SIN3A: variants seen among roughly 807,000 people sequenced by gnomAD.
SIN3A encodes paired amphipathic helix protein Sin3a.
A neutral mutation model predicts 146.1 loss-of-function variants in SIN3A; 14 were observed. The observed-to-expected ratio is 0.10, with a 90% confidence interval of 0.06 to 0.15. The LOEUF (loss-of-function observed/expected upper bound fraction) is 0.15, where lower values mean the gene tolerates loss of function less well. Among genes scored for constraint, SIN3A ranks in the 10% least tolerant of loss-of-function variants. SIN3A has a pLI of 1.00. For missense variants in SIN3A, 1,028 were observed against 1,576.0 expected, an observed-to-expected ratio of 0.65 and a Z score of 5.89; for synonymous variants, 572 against 572.0, an observed-to-expected ratio of 1.00 and a Z score of 0.00.
intron 9 of SIN3A, among the ~76,000 whole-genome samples, chr15:75,405,532 C>T (rs911462616): frequency 6.6e-6 from 1 of 152,050 alleles, no homozygotes; most frequent in African/African-American, 2.4e-5. Context: ...AGGTGGATCA[C>T]CTGAAGCCAG....
chr15:75,397,152 T>C (rs1307506997), intron 12 of SIN3A, among the ~76,000 whole-genome samples: 1 of 152,196 alleles, frequency 6.6e-6, no homozygotes, highest in Non-Finnish European at 1.5e-5. Flanking sequence ...ACTTTTTCCC[T>C]AGCTTAAAAT....
At chr15:75,421,449 T>C (rs2073839038) in intron 3 of SIN3A, 6 of 152,224 alleles carry the variant, frequency 3.9e-5, no homozygotes. Context: ...TTTTACAAAA[T>C]TACTCTAAAT....
intron 3 of SIN3A, among the ~76,000 whole-genome samples, chr15:75,419,037 G>A (rs764290783): frequency 1.1e-4 from 17 of 152,050 alleles, no homozygotes; most frequent in Non-Finnish European, 2.2e-4. Context: ...GATTACAGGC[G>A]TGAGCCACCG....
intron 2 of SIN3A, among the ~76,000 whole-genome samples, chr15:75,427,780 GC>G: frequency 6.6e-6 from 1 of 152,118 alleles, no homozygotes; most frequent in East Asian, 1.9e-4. Flanking sequence ...GACCAGTCTG[GC>G]CCACATGGCG....
intron 1 of SIN3A, among the ~76,000 whole-genome samples, chr15:75,432,629 T>C (rs2074031060): frequency 1.4e-5 from 2 of 139,030 alleles, no homozygotes; most frequent in Non-Finnish European, 3.0e-5. Flanking sequence ...AGAGGTTGCA[T>C]GAGGGGAGGT....
Position 75,396,248 on chromosome 15 carries a change from G to C in SIN3A, c.2093+10C>G. The stretch of plus-strand genomic sequence containing the variant: ...ACACTAAAGCACTAAGGGCACATTT[G>C]CTCATGTACCTTTTAAGGACAATTG... On this transcript the variant is annotated intron_variant, in intron 13 of 20. Transcript: ENST00000394947. 1.3e-6 allele frequency: 2 copies of C among 1,586,908 alleles called. No homozygotes were observed. The highest frequency in any genetic ancestry group is 1.7e-6 in the Non-Finnish European group (2 of 1,155,672).
chr15:75,394,631 CTAAA>C, intron 14 of SIN3A, 45 bp downstream of exon 14: 1 of 1,465,214 alleles, frequency 6.8e-7, no homozygotes, highest in Non-Finnish European at 9.3e-7. Flanking sequence ...CAAAGCTGTG[CTAAA>C]TATAGACTAG....
intron 7 of SIN3A, 26 bp downstream of exon 7, chr15:75,410,108 G>A (rs773416305): frequency 1.9e-6 from 3 of 1,609,616 alleles, no homozygotes; most frequent in Non-Finnish European, 2.5e-6. Flanking sequence ...ATAGTAAATA[G>A]TGTAATTCTT....
chr15:75,396,156 G>A (rs2073299449), intron 13 of SIN3A, 102 bp downstream of exon 13: 1 of 851,436 alleles, frequency 1.2e-6, no homozygotes, highest in Middle Eastern at 2.3e-4. Context: ...AGAAAGAGAG[G>A]TCTCATGGGA....
intron 5 of SIN3A, among the ~76,000 whole-genome samples, 192 bp downstream of exon 5, chr15:75,412,571 A>G (rs1464091916): frequency 6.6e-6 from 1 of 152,240 alleles, no homozygotes; most frequent in Non-Finnish European, 1.5e-5. Context: ...GTGTTGATTT[A>G]AATAGATACC....
At chr15:75,440,788 C>G (rs1320634124) in intron 1 of SIN3A, among the ~76,000 whole-genome samples, 4 of 151,952 alleles carry the variant, frequency 2.6e-5, no homozygotes, top group African/African-American at 9.7e-5. Flanking sequence ...CGAGACCATC[C>G]TGGCTAACAA....
upstream of SIN3A, among the ~76,000 whole-genome samples, chr15:75,454,314 C>A (rs910749457): frequency 4.6e-5 from 7 of 152,178 alleles, no homozygotes; most frequent in African/African-American, 1.7e-4. Flanking sequence ...CCGGGAGAGC[C>A]GGAGGTGGGT....
chr15:75,425,431 G>A (rs2073908766), intron 2 of SIN3A, among the ~76,000 whole-genome samples: 1 of 152,206 alleles, frequency 6.6e-6, no homozygotes, highest in Non-Finnish European at 1.5e-5. Context: ...GGCTCCCAAA[G>A]TGCTGGGATT....
chr15:75,431,110 C>T (rs927454855), intron 1 of SIN3A, among the ~76,000 whole-genome samples: 3 of 152,194 alleles, frequency 2.0e-5, no homozygotes, highest in African/African-American at 4.8e-5. Flanking sequence ...TCAAAACCTA[C>T]TACTATAATT....
intron 12 of SIN3A, among the ~76,000 whole-genome samples, chr15:75,399,051 A>T (rs1015405160): frequency 2.0e-5 from 3 of 150,868 alleles, no homozygotes; most frequent in Non-Finnish European, 4.4e-5. Context: ...AAAAAAAAAA[A>T]TTTACCCAGG....
intron 10 of SIN3A, 84 bp from the exon 11 acceptor site, chr15:75,401,024 G>C: frequency 2.1e-6 from 2 of 935,170 alleles, no homozygotes; most frequent in South Asian, 1.5e-5. Flanking sequence ...TCTGGTTTTG[G>C]ATCAGAAATC....
intron 6 of SIN3A, 24 bp from the exon 7 acceptor site, chr15:75,410,310 G>T (rs376755436): frequency 1.2e-6 from 2 of 1,608,150 alleles, no homozygotes; most frequent in East Asian, 2.2e-5. Flanking sequence ...AATGAAAAGA[G>T]ATCATTTGGG....
chr15:75,426,929 CA>C (rs201876590), intron 2 of SIN3A, among the ~76,000 whole-genome samples: 4 of 141,600 alleles, frequency 2.8e-5, no homozygotes, highest in Admixed American at 7.1e-5. Context: ...GACTCTGTCT[CA>C]AAAAAAAAAG....
chr15:75,392,888 C>A, intron 14 of SIN3A, 73 bp from the exon 15 acceptor site: 1 of 1,062,260 alleles, frequency 9.4e-7, no homozygotes, highest in Non-Finnish European at 1.4e-6. Flanking sequence ...ACCACATCAG[C>A]CATACATCCC....
Sources: gnomAD v4.1 joint callset for allele counts (sites outside exome capture counted in the v4.1 genomes callset) on GRCh38, gnomAD v4.1.1 for gene constraint, MANE v1.5 for transcripts, NCBI Gene and HGNC (gene_info 2026-07-23, HGNC 2026-07-21) for gene names.